The following TRPM6 variants were observed in gnomAD, a reference collection of about 807,000 sequenced individuals.
TRPM6 encodes the protein transient receptor potential cation channel subfamily M member 6.
TRPM6 carries 111 observed loss-of-function variants against 247.6 expected under a neutral mutation model. The observed-to-expected ratio is 0.45, with a 90% CI of 0.38 to 0.52. TRPM6 has a LOEUF of 0.52. Among genes scored for constraint, TRPM6 ranks in the 20% least tolerant of loss-of-function variants. The pLI is 0.00. For synonymous variants in TRPM6, 892 were observed against 853.8 expected, an observed-to-expected ratio of 1.04 and a Z score of -0.78; for missense variants, 2,126 against 2,421.5, an observed-to-expected ratio of 0.88 and a Z score of 2.56.
chr9:74,832,177 C>T (rs898424685), intron 6 of TRPM6, among the ~76,000 whole-genome samples: 25 of 152,224 alleles, frequency 1.6e-4, no homozygotes, highest in African/African-American at 5.5e-4. Context: ...AACACCACTA[C>T]AAAAGATTAA....
In TRPM6 at chr9:74,723,412, T is replaced by A. The variant is rs1825202818; in HGVS notation, c.*1201A>T. 6.6e-6 allele frequency: 1 copy of A among 151,702 alleles called. No individual in the cohort carries two copies. Among genetic ancestry groups the A allele is most frequent in the African/African-American group, 2.4e-5 (1 of 41,294 alleles). The allele number at this position is 151,702 out of a possible 1,614,324, so 9.4% of individuals were successfully genotyped here. A position where few individuals can be genotyped will look rare whatever the true frequency, so the allele number is the denominator to read the frequency against. ...AGGAGTGGTGTTTTACAGGTTGAGTTAGTCAACTCCTAACTAATAGTACCC... is the reference window on the plus strand; with the variant it reads ...AGGAGTGGTGTTTTACAGGTTGAGTAAGTCAACTCCTAACTAATAGTACCC... On this transcript the variant is annotated 3_prime_UTR_variant, in exon 39 of 39. Coordinates refer to ENST00000360774, the MANE Select transcript of TRPM6 (RefSeq NM_017662.5).
intron 3 of TRPM6, among the ~76,000 whole-genome samples, chr9:74,851,748 C>CA (rs767892848): frequency 9.0e-5 from 12 of 133,994 alleles, no homozygotes; most frequent in African/African-American, 3.1e-4. Context: ...GACTTTGTCT[C>CA]AAAAAAAAAA....
intron 29 of TRPM6, among the ~76,000 whole-genome samples, chr9:74,751,421 G>T (rs1253992890): frequency 6.6e-6 from 1 of 152,122 alleles, no homozygotes; most frequent in Non-Finnish European, 1.5e-5. Context: ...TTTGAACACA[G>T]GTCCCTGCTT....
At chr9:74,788,797 C>A in intron 19 of TRPM6, 55 bp from the exon 20 acceptor site, 1 of 1,602,350 alleles carries the variant, frequency 6.2e-7, no homozygotes. Context: ...ATGGAGCATG[C>A]CAAGGAGACG....
At position 74,771,433 on chromosome 9, in the gene TRPM6, A is replaced by ACG. The variant is rs150140278; in HGVS notation, c.3536+268_3536+269dup. On this transcript the variant is annotated intron_variant, in intron 25 of 38. Transcript: ENST00000360774. ...CCTACACACATGCGCACACACACAC[A>ACG]CGCGCGCGCGCATGAATGTAAGTCC... Among the ~76,000 whole-genome samples the ACG allele has an allele frequency of 0.032, 4,884 of 151,806 alleles. 240 individuals carry two copies. Among genetic ancestry groups the ACG allele is most frequent in the African/African-American group, 0.11 (4,656 of 41,190 alleles).
At position 74,762,944 on chromosome 9, in the gene TRPM6, G is replaced by T. The variant is rs1333859716; in HGVS notation, c.3727C>A (p.His1243Asn). Reference sequence around the variant, plus strand: ...TGGGGAAGTTTTTTGCAAGTAGAATGCTTTCTCTTGGCCAGGAGAGCCTCA... The same window carrying T: ...TGGGGAAGTTTTTTGCAAGTAGAATTCTTTCTCTTGGCCAGGAGAGCCTCA... ...EDEALLAKRK[H>N]STCKKLPHSW... The change falls in exon 26 of 39, where the codon CAT becomes AAT. Residue 1243 changes from histidine (H) to asparagine (N), a missense_variant. Transcript: ENST00000360774. 3.1e-6 allele frequency: 5 copies of T among 1,606,830 alleles called. No individual in the cohort carries two copies. Among genetic ancestry groups the T allele is most frequent in the Non-Finnish European group, 2.6e-6 (3 of 1,175,294 alleles).
intron 8 of TRPM6, 138 bp downstream of exon 8, chr9:74,821,531 C>T (rs1248060089): frequency 3.9e-6 from 4 of 1,029,004 alleles, no homozygotes; most frequent in South Asian, 2.8e-5. Flanking sequence ...ACAACAAACA[C>T]AGTCACTGAG....
At chr9:74,837,436 T>C (rs1004011971) in intron 5 of TRPM6, among the ~76,000 whole-genome samples, 2 of 152,108 alleles carry the variant, frequency 1.3e-5, no homozygotes, top group Non-Finnish European at 2.9e-5. Flanking sequence ...CTGATTGTTT[T>C]ATGTTGTTGT....
chr9:74,817,612 CAAGT>C (rs1379482415), intron 9 of TRPM6, among the ~76,000 whole-genome samples: 2 of 152,294 alleles, frequency 1.3e-5, no homozygotes, highest in Admixed American at 6.5e-5. Flanking sequence ...CTTTTAAAGA[CAAGT>C]AAGTTCGTTA....
intron 34 of TRPM6, 22 bp downstream of exon 34, chr9:74,739,701 G>T: frequency 1.2e-6 from 2 of 1,609,026 alleles, no homozygotes; most frequent in Non-Finnish European, 1.7e-6. Context: ...CTGGGCTATG[G>T]GTCTCTGAGT....
chr9:74,818,319 T>TTTTTTTTA (rs1829017107), intron 9 of TRPM6, among the ~76,000 whole-genome samples: 1 of 145,910 alleles, frequency 6.9e-6, no homozygotes, highest in African/African-American at 2.5e-5. Flanking sequence ...TTTTTTTTTT[T>TTTTTTTTA]GAGACAGGGT....
chr9:74,886,960 T>A (rs770515764), intron 1 of TRPM6, among the ~76,000 whole-genome samples: 30 of 152,194 alleles, frequency 2.0e-4, no homozygotes, highest in Admixed American at 4.6e-4. Context: ...TGAAATACAA[T>A]GTGCTCAATT....
intron 18 of TRPM6, among the ~76,000 whole-genome samples, chr9:74,795,191 G>C (rs1458855466): frequency 6.6e-6 from 1 of 152,040 alleles, no homozygotes; most frequent in Non-Finnish European, 1.5e-5. Flanking sequence ...CTCGTTAAAG[G>C]ACTTATTGCT....
In TRPM6 at chr9:74,821,836, G is replaced by A. The variant is rs758561365; in HGVS notation, c.843C>T (p.Arg281=). The A allele has an allele frequency of 8.7e-6, 14 of 1,613,932 alleles. No homozygotes were observed. Among genetic ancestry groups the A allele is most frequent in the Non-Finnish European group, 1.2e-5 (14 of 1,179,994 alleles). Residue 281 remains arginine, a splice_region_variant and synonymous_variant, in exon 8 of 39, where the codon CGC becomes CGT. Coordinates refer to ENST00000360774, the MANE Select transcript of TRPM6 (RefSeq NM_017662.5). ...CCACGACCGGCACGCCTTGTCTTGAGCCTATTCCAGACCACAAACAATACC... is the reference window on the plus strand; with the variant it reads ...CCACGACCGGCACGCCTTGTCTTGAACCTATTCCAGACCACAAACAATACC... ...KYLSLQKIHC[R]SRQGVPVVGL...
intron 33 of TRPM6, among the ~76,000 whole-genome samples, 177 bp downstream of exon 33, chr9:74,742,384 A>G (rs1825894350): frequency 2.0e-5 from 3 of 152,188 alleles, no homozygotes. Flanking sequence ...TTTGTCCCTG[A>G]ATGCTGGCCA....
chr9:74,744,272 G>C (rs1825961180), intron 31 of TRPM6, 127 bp from the exon 32 acceptor site: 1 of 1,039,804 alleles, frequency 9.6e-7, no homozygotes, highest in Non-Finnish European at 1.5e-6. Flanking sequence ...ATTCGAAAAA[G>C]CTTGCCTAAT....
intron 6 of TRPM6, among the ~76,000 whole-genome samples, chr9:74,832,108 C>G (rs934108812): frequency 6.6e-6 from 1 of 152,116 alleles, no homozygotes; most frequent in African/African-American, 2.4e-5. Flanking sequence ...AAACCTGAAC[C>G]TGATCATACC....
intron 15 of TRPM6, 52 bp downstream of exon 15, chr9:74,803,742 T>C (rs551926978): frequency 3.2e-6 from 4 of 1,260,844 alleles, no homozygotes; most frequent in African/African-American, 2.9e-5. Context: ...AGAAACAGTC[T>C]CGAGCTGCAA....
chr9:74,875,087 A>C (rs1305875519), intron 1 of TRPM6, among the ~76,000 whole-genome samples: 1 of 152,052 alleles, frequency 6.6e-6, no homozygotes, highest in Admixed American at 6.6e-5. Context: ...ATAAGAAGGA[A>C]TATTTTATCT....
Sources: gnomAD v4.1 joint callset for allele counts (sites outside exome capture counted in the v4.1 genomes callset) on GRCh38, gnomAD v4.1.1 for gene constraint, MANE v1.5 for transcripts, NCBI Gene and HGNC (gene_info 2026-07-23, HGNC 2026-07-21) for gene names.